The following POLN variants were observed in gnomAD, a reference collection of about 807,000 sequenced individuals.
POLN encodes the protein DNA polymerase nu.
A neutral mutation model predicts 113.5 loss-of-function variants in POLN; 108 were observed. The observed-to-expected ratio is 0.95, with a 90% CI of 0.81 to 1.12. The LOEUF (loss-of-function observed/expected upper bound fraction) is 1.12. Among genes scored for constraint, POLN ranks in the 50% most tolerant of loss-of-function variants. The probability of loss-of-function intolerance (pLI) is 0.00; values close to 1 mark genes in which losing one functional copy is unlikely to be tolerated. For synonymous variants in POLN, 386 were observed against 391.5 expected (o/e 0.99, Z 0.17); for missense variants, 1,097 against 1,077.1 (o/e 1.02, Z -0.26).
chr4:2,157,815 A>G, intron 15 of POLN, 43 bp downstream of exon 15: 1 of 1,426,346 alleles, frequency 7.0e-7, no homozygotes, highest in Non-Finnish European at 9.7e-7. Flanking sequence ...CTCATACAAA[A>G]ACCACAGTCC....
chr4:2,075,889 A>C (rs1318173299), intron 23 of POLN, among the ~76,000 whole-genome samples: 1 of 152,126 alleles, frequency 6.6e-6, no homozygotes, highest in Non-Finnish European at 1.5e-5. Context: ...CGCCCCACCC[A>C]GGTTGGTCCC....
chr4:2,202,133 C>CA lies in POLN; in HGVS notation c.715-3417dup, dbSNP rs564856954. ...ATACAATTAAAAAAACAAAACAAAA[C>CA]AAAAAAAACAACGTATACCAGCAAC... On this transcript the variant is annotated intron_variant, in intron 5 of 25. Transcript: ENST00000511885. Among the ~76,000 whole-genome samples, 518 of 151,500 alleles carry CA rather than the reference C, an allele frequency of 3.4e-3. 2 individuals carry two copies. The highest frequency in any genetic ancestry group is 5.4e-3 in the Non-Finnish European group (367 of 67,828).
At chr4:2,103,981 C>T (rs1730988641) in intron 19 of POLN, among the ~76,000 whole-genome samples, 1 of 152,176 alleles carries the variant, frequency 6.6e-6, no homozygotes, top group South Asian at 2.1e-4. Context: ...GAGTCCTAAA[C>T]TTGGAAGCAA....
At chr4:2,078,685 T>C in intron 23 of POLN, 1 of 985,408 alleles carries the variant, frequency 1.0e-6, no homozygotes, top group South Asian at 4.7e-5. Flanking sequence ...GAAGAACAAA[T>C]CACGTTCACA....
At chr4:2,118,678 C>T (rs1249708546) in intron 19 of POLN, among the ~76,000 whole-genome samples, 1 of 152,232 alleles carries the variant, frequency 6.6e-6, no homozygotes, top group African/African-American at 2.4e-5. Context: ...CAGTGCCACA[C>T]ATTTCAGGAT....
In POLN at chr4:2,073,040, GAA is replaced by G. The variant is rs1560959654; in HGVS notation, c.2456-13_2456-12del. 1.2e-6 allele frequency: 2 copies of G among 1,612,978 alleles called. No individual in the cohort carries two copies. Among genetic ancestry groups the G allele is most frequent in the Non-Finnish European group, 1.7e-6 (2 of 1,179,726 alleles). The stretch of plus-strand genomic sequence containing the variant: ...TCCTCCTGACGAGAGCTAGAGTGCG[GAA>G]GAGAGAGGAGGCCCTGCTGGTCTCT... On this transcript the variant is annotated splice_polypyrimidine_tract_variant and intron_variant, in intron 24 of 25. Transcript: ENST00000511885.
At chr4:2,156,709 C>T (rs1166143514) in intron 16 of POLN, 79 bp downstream of exon 16, 2 of 1,142,982 alleles carry the variant, frequency 1.7e-6, no homozygotes, top group African/African-American at 3.1e-5. Flanking sequence ...AGTGCACAGG[C>T]AAACACATAT....
At chr4:2,091,091 G>C (rs1418133502) in intron 20 of POLN, among the ~76,000 whole-genome samples, 5 of 152,100 alleles carry the variant, frequency 3.3e-5, no homozygotes, top group Non-Finnish European at 2.9e-5. Flanking sequence ...TTTCTTCCAG[G>C]TGTCAGCTGA....
At chr4:2,162,878 T>C (rs1480631599) in intron 13 of POLN, among the ~76,000 whole-genome samples, 1 of 152,180 alleles carries the variant, frequency 6.6e-6, no homozygotes. Context: ...GCTTAATTAA[T>C]TCCTAGTAAT....
At chr4:2,111,744 T>C (rs1314111687) in intron 19 of POLN, among the ~76,000 whole-genome samples, 11 of 152,044 alleles carry the variant, frequency 7.2e-5, no homozygotes, top group Non-Finnish European at 2.9e-5. Flanking sequence ...TAAAAGAGGA[T>C]ACAAACAAAT....
chr4:2,078,764 C>T lies in POLN; in HGVS notation c.2387+2194G>A, dbSNP rs1288121894. 2.1e-5 allele frequency: 21 copies of T among 985,450 alleles called. No individual in the cohort carries two copies. The African/African-American group carries it at 2.3e-4, about 11-fold the overall frequency. 61.0% of individuals were successfully genotyped at this position (985,450 alleles called of 1,614,324 possible). The stretch of plus-strand genomic sequence containing the variant: ...CATTTTGCTATGAGAAGCATTTCCT[C>T]GTGACAGCCAATGGCTGATGACAGA... On this transcript the variant is annotated intron_variant, in intron 23 of 25. Transcript: ENST00000511885.
At position 2,133,160 on chromosome 4, in the gene POLN, A is replaced by AAAT. The variant is rs771497850; in HGVS notation, c.1732-1871_1732-1870insATT. The stretch of plus-strand genomic sequence containing the variant: ...TTATAAAAAATGGCAAAAAAAAAAA[A>AAAT]AAATAACATGCTGTCAATAATGCAA... On this transcript the variant is annotated intron_variant, in intron 16 of 25. Transcript: ENST00000511885. Among the ~76,000 whole-genome samples, 1,050 of 151,758 alleles carry AAAT rather than the reference A, an allele frequency of 6.9e-3. 5 individuals carry two copies. The highest frequency in any genetic ancestry group is 0.011 in the Non-Finnish European group (745 of 67,910).
chr4:2,109,780 C>CT (rs1731149528), intron 19 of POLN, among the ~76,000 whole-genome samples: 1 of 152,062 alleles, frequency 6.6e-6, no homozygotes. Context: ...TGATCAGTGT[C>CT]TTATAAACAG....
intron 19 of POLN, among the ~76,000 whole-genome samples, chr4:2,115,878 A>C (rs1383514970): frequency 6.6e-6 from 1 of 152,192 alleles, no homozygotes. Flanking sequence ...CCGGAGTCTA[A>C]GAACTGCACA....
rs747202969 is a variant in POLN, at chr4:2,093,097, G to GAA, written c.2065+2752_2065+2753dup. On this transcript the variant is annotated intron_variant, in intron 20 of 25. Coordinates refer to ENST00000511885, the MANE Select transcript of POLN (RefSeq NM_181808.4). The surrounding 1 kb of genome is among the most constrained non-coding windows in gnomAD (Gnocchi z 4.1). ...CAAAATGTAGCTCTTTTCCTCTCCA[G>GAA]AAAAAAAAAAAAAGTGAATACTCCA... 5.6e-5 allele frequency among the ~76,000 whole-genome samples: 8 copies of GAA among 142,568 alleles called. No homozygotes were observed. Among genetic ancestry groups the GAA allele is most frequent in the African/African-American group, 1.5e-4 (6 of 39,212 alleles). The allele number at this position is 142,568 out of a possible 152,430, so 93.5% of individuals were successfully genotyped here.
Position 2,085,664 on chromosome 4 carries a change from TG to T in POLN, c.2145del (p.Tyr715Ter). The stretch of plus-strand genomic sequence containing the variant: ...GCTCGGGCGAAGTCCTTGATTTTCT[TG>T]TACTTCTGCAAAAAACTCTCCAAAA... ...AQFLESFLQK[Y>X]KKIKDFARAA... On this transcript the variant is annotated frameshift_variant, in exon 21 of 26. Transcript: ENST00000511885. LOFTEE classifies it high-confidence loss of function. 11 of 1,614,152 alleles carry T rather than the reference TG, an allele frequency of 6.8e-6. No homozygotes were observed. Among genetic ancestry groups the T allele is most frequent in the Non-Finnish European group, 8.5e-6 (10 of 1,180,042 alleles).
chr4:2,208,420 A>G lies in POLN; in HGVS notation c.281T>C (p.Val94Ala), dbSNP rs972071569. 6 of 1,603,440 alleles carry G rather than the reference A, an allele frequency of 3.7e-6. No homozygotes were observed. In the African/African-American group the frequency reaches 8.1e-5, roughly 22 times the overall value. ...AGCAGACAGCTGATCTGTGAGCCTGACACTGAAGGACTGAGGAGACAGCTT... is the reference window on the plus strand; with the variant it reads ...AGCAGACAGCTGATCTGTGAGCCTGGCACTGAAGGACTGAGGAGACAGCTT... ...SAKLSPQSFSVRLTDQLSADQ... is the reference protein window; with the variant it reads ...SAKLSPQSFSARLTDQLSADQ... The change falls in exon 5 of 26, where the codon GTC becomes GCC. Residue 94 changes from valine (V) to alanine (A), a missense_variant. Physicochemically the swap from Val to Ala is moderately conservative, Grantham distance 64. Coordinates refer to ENST00000511885, the MANE Select transcript of POLN (RefSeq NM_181808.4).
chr4:2,137,746 T>G (rs1217951611), intron 16 of POLN, among the ~76,000 whole-genome samples: 1 of 152,062 alleles, frequency 6.6e-6, no homozygotes. Context: ...CACATTTCAC[T>G]CTCCTCTGTA....
intron 19 of POLN, among the ~76,000 whole-genome samples, chr4:2,098,081 A>G (rs1730839350): frequency 6.6e-6 from 1 of 152,078 alleles, no homozygotes; most frequent in East Asian, 1.9e-4. Context: ...CCACCCTTAA[A>G]CTTGGCATTG....
Sources: gnomAD v4.1 joint callset for allele counts (sites outside exome capture counted in the v4.1 genomes callset) on GRCh38, gnomAD v4.1.1 for gene constraint, Gnocchi (gnomAD v3.1) non-coding constraint, MANE v1.5 for transcripts, NCBI Gene and HGNC (gene_info 2026-07-23, HGNC 2026-07-21) for gene names.